The following CRLS1 variants were observed in gnomAD, a reference collection of about 807,000 sequenced individuals.
CRLS1 encodes cardiolipin synthase 1.
CRLS1 carries 24 observed loss-of-function variants against 37.0 expected under a neutral mutation model. The ratio of observed to expected loss-of-function variants is 0.65; its 90% CI spans 0.47 to 0.91. CRLS1 has a LOEUF of 0.91. Ranked by LOEUF, CRLS1 falls within the 40% of genes least tolerant of loss-of-function variation. The probability of loss-of-function intolerance (pLI) is 0.00; values close to 1 mark genes in which losing one functional copy is unlikely to be tolerated. For synonymous variants in CRLS1, 135 were observed against 159.7 expected, an observed-to-expected ratio of 0.85 and a Z score of 1.17; for missense variants, 373 against 395.8, an observed-to-expected ratio of 0.94 and a Z score of 0.49.
At chr20:6,007,248 C>T in intron 1 of CRLS1, 1 of 1,518,104 alleles carries the variant, frequency 6.6e-7, no homozygotes, top group Non-Finnish European at 8.8e-7. Flanking sequence ...GTACTGCTTT[C>T]ATCAGTTGTA....
intron 1 of CRLS1, 96 bp downstream of exon 1, chr20:6,006,648 T>TC (rs1375020469): frequency 1.6e-6 from 2 of 1,213,858 alleles, no homozygotes; most frequent in East Asian, 6.7e-5. Flanking sequence ...CTCGGACGCT[T>TC]CCGTTTCCTA....
chr20:6,030,073 T>C (rs1980029883), intron 3 of CRLS1, among the ~76,000 whole-genome samples: 1 of 152,160 alleles, frequency 6.6e-6, no homozygotes, highest in Non-Finnish European at 1.5e-5. Context: ...TTATCTTTAT[T>C]TATTTGAAAT....
chr20:6,006,620 A>G, intron 1 of CRLS1, 68 bp downstream of exon 1: 1 of 1,235,914 alleles, frequency 8.1e-7, no homozygotes, highest in Non-Finnish European at 1.0e-6. Flanking sequence ...CTCAGGTAAC[A>G]AGCTCTGGGT....
rs899735404 is a variant in CRLS1 at position 6,031,491 on chromosome 20, G to A, written c.660+121G>A. On this transcript the variant is annotated intron_variant, in intron 4 of 6. Coordinates refer to ENST00000378863, the MANE Select transcript of CRLS1 (RefSeq NM_019095.6). ...TGGCACGTGAAACCCAGACTAGCCA[G>A]CCCCTATCCCTAGAAGCAAATTCTT... 11 of 651,166 alleles carry A rather than the reference G, an allele frequency of 1.7e-5. No homozygotes were observed. In the African/African-American group the frequency reaches 1.8e-4, roughly 11 times the overall value. 40.3% of individuals were successfully genotyped at this position (651,166 alleles called of 1,614,324 possible).
At chr20:6,022,131 T>A (rs893992893) in intron 3 of CRLS1, among the ~76,000 whole-genome samples, 2 of 152,214 alleles carry the variant, frequency 1.3e-5, no homozygotes, top group Non-Finnish European at 2.9e-5. Flanking sequence ...GTCTGAAGTA[T>A]GTTCTTTTGG....
At chr20:6,027,295 G>T (rs967382769) in intron 3 of CRLS1, among the ~76,000 whole-genome samples, 5 of 151,988 alleles carry the variant, frequency 3.3e-5, no homozygotes, top group Non-Finnish European at 7.4e-5. Flanking sequence ...ATGTTGACCA[G>T]GCTGGTCTCG....
intron 1 of CRLS1, chr20:6,006,780 C>T (rs575842177): frequency 3.0e-6 from 3 of 985,294 alleles, no homozygotes; most frequent in Non-Finnish European, 3.6e-6. Context: ...TCTCATCCCC[C>T]TTCTATCTGC....
intron 3 of CRLS1, among the ~76,000 whole-genome samples, chr20:6,027,122 C>G (rs1196431341): frequency 1.4e-5 from 2 of 145,418 alleles, no homozygotes; most frequent in African/African-American, 5.1e-5. Context: ...TTCGCTCTGT[C>G]ACCTAGGCTG....
intron 3 of CRLS1, among the ~76,000 whole-genome samples, chr20:6,024,216 A>G (rs942513567): frequency 9.9e-5 from 15 of 152,100 alleles, no homozygotes; most frequent in African/African-American, 3.1e-4. Flanking sequence ...TCAGCCTTTC[A>G]AAGTGCTGGG....
intron 4 of CRLS1, among the ~76,000 whole-genome samples, chr20:6,031,590 TA>T (rs1378759253): frequency 1.3e-5 from 2 of 152,212 alleles, no homozygotes; most frequent in Non-Finnish European, 2.9e-5. Context: ...GAATTGGTTT[TA>T]AAAATCACAG....
At chr20:6,023,954 A>ATT (rs11087705) in intron 3 of CRLS1, among the ~76,000 whole-genome samples, 6 of 147,554 alleles carry the variant, frequency 4.1e-5, no homozygotes, top group Non-Finnish European at 9.0e-5. Flanking sequence ...TCTCTGTCAC[A>ATT]TTTTTTTTTT....
chr20:6,031,330 C>CTGCTG lies in CRLS1; in HGVS notation c.622_626dup (p.Phe210LeufsTer29), dbSNP rs756040375. 2 of 1,609,066 alleles carry CTGCTG rather than the reference C, an allele frequency of 1.2e-6. No homozygotes were observed. Among genetic ancestry groups the CTGCTG allele is most frequent in the Non-Finnish European group, 1.7e-6 (2 of 1,177,858 alleles). On this transcript the variant is annotated frameshift_variant, in exon 4 of 7. Coordinates refer to ENST00000378863, the MANE Select transcript of CRLS1 (RefSeq NM_019095.6). LOFTEE classifies it high-confidence loss of function. Reference sequence around the variant, plus strand: ...ATTTCGAGAGATGTAATGTTGATTGCTGCTGTTTTTTATGTCAGATACCGA... The same window carrying CTGCTG: ...ATTTCGAGAGATGTAATGTTGATTGCTGCTGTGCTGTTTTTTATGTCAGATACCGA...
chr20:6,009,373 C>A (rs368891708), intron 1 of CRLS1, among the ~76,000 whole-genome samples: 1 of 151,938 alleles, frequency 6.6e-6, no homozygotes, highest in African/African-American at 2.4e-5. Context: ...TGTAAGACAC[C>A]TTACCCTGTG....
Position 6,038,093 on chromosome 20 carries a change from GT to G in CRLS1, c.*937del, listed in dbSNP as rs1415661908. 2 of 152,214 alleles carry G rather than the reference GT, an allele frequency of 1.3e-5. No individual in the cohort carries two copies. Among genetic ancestry groups the G allele is most frequent in the African/African-American group, 4.8e-5 (2 of 41,448 alleles). The allele number at this position is 152,214 out of a possible 1,614,324, so 9.4% of individuals were successfully genotyped here. On this transcript the variant is annotated 3_prime_UTR_variant, in exon 7 of 7. Coordinates refer to ENST00000378863, the MANE Select transcript of CRLS1 (RefSeq NM_019095.6). The stretch of plus-strand genomic sequence containing the variant: ...CCATATAACATACGTATTCTCTGCT[GT>G]TACGTAAGTTTTCCGATTCACAGAG...
At chr20:6,031,138 C>T in intron 3 of CRLS1, 147 bp from the exon 4 acceptor site, 2 of 528,258 alleles carry the variant, frequency 3.8e-6, no homozygotes, top group Non-Finnish European at 6.4e-6. Context: ...ATAGGGGACC[C>T]TAAACCATCG....
At chr20:6,029,533 A>G (rs535512368) in intron 3 of CRLS1, among the ~76,000 whole-genome samples, 6 of 151,964 alleles carry the variant, frequency 3.9e-5, no homozygotes, top group Non-Finnish European at 5.9e-5. Flanking sequence ...CTAATTTTGT[A>G]TTTTTAGTAG....
At chr20:6,034,604 A>G in intron 6 of CRLS1, 49 bp downstream of exon 6, 1 of 1,301,422 alleles carries the variant, frequency 7.7e-7, no homozygotes, top group Non-Finnish European at 1.1e-6. Flanking sequence ...AGAATGACTT[A>G]TGGTGATAGC....
At chr20:6,007,365 C>T (rs544528749) in intron 1 of CRLS1, 2 of 1,613,258 alleles carry the variant, frequency 1.2e-6, no homozygotes, top group African/African-American at 1.3e-5. Flanking sequence ...CATATCCTGA[C>T]TGAAGTCCTT....
At chr20:6,008,724 T>C (rs914434879) in intron 1 of CRLS1, among the ~76,000 whole-genome samples, 2 of 152,236 alleles carry the variant, frequency 1.3e-5, no homozygotes. Flanking sequence ...TTAAATCTGT[T>C]TTTGTTCTCT....
Sources: allele counts gnomAD v4.1 joint callset (sites outside exome capture counted in the v4.1 genomes callset), GRCh38; gene constraint gnomAD v4.1.1; transcripts MANE v1.5; gene names NCBI Gene and HGNC (gene_info 2026-07-23, HGNC 2026-07-21).